PTPRD: variants seen among roughly 807,000 people sequenced by gnomAD.
PTPRD encodes protein tyrosine phosphatase receptor type D.
PTPRD carries 34 observed loss-of-function variants against 214.5 expected under a neutral mutation model. The observed-to-expected ratio is 0.16, with a 90% CI of 0.12 to 0.21. The LOEUF is 0.21. Among genes scored for constraint, PTPRD ranks in the 10% least tolerant of loss-of-function variants. PTPRD has a pLI of 1.00. For synonymous variants in PTPRD, 1,128 were observed against 845.7 expected (o/e 1.33, Z -5.79); for missense variants, 2,545 against 2,398.7 (o/e 1.06, Z -1.27).
intron 7 of PTPRD, among the ~76,000 whole-genome samples, chr9:9,613,131 C>CATATATAT (rs1383091159): frequency 0.036 from 1,438 of 39,910 alleles, 125 homozygotes; most frequent in Non-Finnish European, 0.046. Flanking sequence ...AGTATACATA[C>CATATATAT]ATACATATAT....
intron 7 of PTPRD, among the ~76,000 whole-genome samples, chr9:9,683,814 A>T (rs1378079372): frequency 6.6e-6 from 1 of 151,816 alleles, no homozygotes; most frequent in East Asian, 1.9e-4. Context: ...AATCATTTTA[A>T]CGAATTGATA....
At chr9:10,012,204 T>G (rs2096614962) in intron 4 of PTPRD, among the ~76,000 whole-genome samples, 1 of 151,944 alleles carries the variant, frequency 6.6e-6, no homozygotes, top group Non-Finnish European at 1.5e-5. Context: ...TGTAAAAAAG[T>G]ACCTCATAGA....
At chr9:8,720,138 T>C (rs993658816) in intron 12 of PTPRD, among the ~76,000 whole-genome samples, 3 of 152,364 alleles carry the variant, frequency 2.0e-5, no homozygotes, top group Admixed American at 6.5e-5. Context: ...ATATGGCTTA[T>C]AGTCATGAAG....
chr9:8,833,291 G>A (rs777246135), intron 11 of PTPRD, among the ~76,000 whole-genome samples: 1 of 152,096 alleles, frequency 6.6e-6, no homozygotes, highest in Non-Finnish European at 1.5e-5. Context: ...TTGAGCATGT[G>A]ACTTTTGAAA....
chr9:9,362,448 C>G (rs1381341430), intron 9 of PTPRD, among the ~76,000 whole-genome samples: 1 of 151,090 alleles, frequency 6.6e-6, no homozygotes, highest in African/African-American at 2.4e-5. Context: ...ATCTACAATT[C>G]AAGGATGATA....
chr9:8,603,889 A>G (rs902956260), intron 14 of PTPRD, among the ~76,000 whole-genome samples: 1 of 152,238 alleles, frequency 6.6e-6, no homozygotes, highest in African/African-American at 2.4e-5. Flanking sequence ...AAAGGCTACA[A>G]TGAAAACATG....
In PTPRD at chr9:8,859,343, T is replaced by A. The variant is rs189676806; in HGVS notation, c.-103-125397A>T. Among the ~76,000 whole-genome samples the A allele has an allele frequency of 6.3e-4, 96 of 152,322 alleles. 1 individual carries two copies. Among genetic ancestry groups the A allele is most frequent in the African/African-American group, 2.2e-3 (90 of 41,580 alleles). ...CCCAAGGTGACTAAGGTGCACTGTGTGTATTGTTAGCTAAGAGATGGATTT... is the reference window on the plus strand; with the variant it reads ...CCCAAGGTGACTAAGGTGCACTGTGAGTATTGTTAGCTAAGAGATGGATTT... On this transcript the variant is annotated intron_variant, in intron 11 of 45. Coordinates refer to ENST00000381196, the MANE Select transcript of PTPRD (RefSeq NM_002839.4).
intron 9 of PTPRD, among the ~76,000 whole-genome samples, chr9:9,228,538 C>CT (rs562448369): frequency 7.2e-5 from 11 of 151,892 alleles, no homozygotes; most frequent in South Asian, 4.2e-4. Context: ...ACTACTGTAT[C>CT]TTTTTTTTCT....
intron 12 of PTPRD, among the ~76,000 whole-genome samples, chr9:8,669,667 G>A (rs1482419882): frequency 3.9e-5 from 6 of 152,190 alleles, no homozygotes; most frequent in African/African-American, 1.2e-4. Context: ...TTAGGATACA[G>A]TAAATTAGAA....
At chr9:8,479,296 T>A (rs1322967761) in intron 30 of PTPRD, among the ~76,000 whole-genome samples, 1 of 152,230 alleles carries the variant, frequency 6.6e-6, no homozygotes, top group East Asian at 1.9e-4. Context: ...TTCCATTTCT[T>A]TGATACTTTT....
intron 3 of PTPRD, among the ~76,000 whole-genome samples, chr9:10,098,705 G>T (rs943453760): frequency 2.0e-5 from 3 of 151,588 alleles, no homozygotes; most frequent in Non-Finnish European, 3.0e-5. Flanking sequence ...AGTTTTTAAT[G>T]TTCTAAATTC....
chr9:8,335,689 G>T (rs1027924672), intron 43 of PTPRD, among the ~76,000 whole-genome samples: 2 of 152,156 alleles, frequency 1.3e-5, no homozygotes, highest in Non-Finnish European at 2.9e-5. Flanking sequence ...ATTAGGAAAA[G>T]AGGAAGTGAA....
chr9:9,426,408 G>T (rs10739193), intron 8 of PTPRD, among the ~76,000 whole-genome samples: 11 of 152,154 alleles, frequency 7.2e-5, no homozygotes, highest in East Asian at 5.8e-4. Flanking sequence ...AAAGCAGCTG[G>T]GAAGCTCGAA....
chr9:9,960,177 T>C (rs543054698), intron 4 of PTPRD, among the ~76,000 whole-genome samples: 1 of 149,888 alleles, frequency 6.7e-6, no homozygotes, highest in Admixed American at 6.6e-5. Context: ...TTCAAAAAAT[T>C]TTAAAAATGA....
chr9:8,877,941 C>A (rs546166705), intron 11 of PTPRD, among the ~76,000 whole-genome samples: 2 of 152,188 alleles, frequency 1.3e-5, no homozygotes, highest in South Asian at 4.2e-4. Context: ...TTGCTCATGA[C>A]CCACTTGAAA....
chr9:9,838,768 T>G (rs536565125), intron 5 of PTPRD, among the ~76,000 whole-genome samples: 2,031 of 152,282 alleles, frequency 0.013, 30 homozygotes, highest in African/African-American at 0.045. Context: ...CTCTTTAGTT[T>G]AATTAGATCC....
intron 3 of PTPRD, among the ~76,000 whole-genome samples, chr9:10,074,398 C>T (rs1456924034): frequency 3.9e-5 from 6 of 152,238 alleles, no homozygotes; most frequent in African/African-American, 1.4e-4. Flanking sequence ...GGCTCTATTC[C>T]AGTCCCTCAT....
At chr9:8,335,045 G>T (rs1845226613) in intron 43 of PTPRD, among the ~76,000 whole-genome samples, 1 of 151,982 alleles carries the variant, frequency 6.6e-6, no homozygotes, top group South Asian at 2.1e-4. Flanking sequence ...AAAAGTCCAG[G>T]ACCAGATGAA....
chr9:9,863,121 A>AAAT (rs1293677356), intron 5 of PTPRD, among the ~76,000 whole-genome samples: 4 of 152,160 alleles, frequency 2.6e-5, no homozygotes, highest in Non-Finnish European at 5.9e-5. Flanking sequence ...CTGAATTAGG[A>AAAT]AATATGAAGA....
Sources: gnomAD v4.1 joint callset for allele counts (sites outside exome capture counted in the v4.1 genomes callset) on GRCh38, gnomAD v4.1.1 for gene constraint, MANE v1.5 for transcripts, NCBI Gene and HGNC (gene_info 2026-07-23, HGNC 2026-07-21) for gene names.